The following SPEF2 variants were observed in gnomAD, a reference collection of about 807,000 sequenced individuals.
SPEF2 encodes the protein sperm flagellar and cilia associated 2, also known as sperm flagella and cilia-associated protein 2.
A neutral mutation model predicts 224.6 loss-of-function variants in SPEF2; 187 were observed. The observed-to-expected ratio is 0.83, with a 90% confidence interval of 0.74 to 0.94. The LOEUF (loss-of-function observed/expected upper bound fraction) is 0.94. SPEF2 is among the 40% of genes least tolerant of loss of function. The pLI is 0.00. For synonymous variants in SPEF2, 715 were observed against 707.3 expected (o/e 1.01, Z -0.17); for missense variants, 2,170 against 2,135.6 (o/e 1.02, Z -0.32).
At chr5:35,795,103 A>T (rs1312028114) in intron 32 of SPEF2, among the ~76,000 whole-genome samples, 2 of 152,162 alleles carry the variant, frequency 1.3e-5, no homozygotes, top group African/African-American at 4.8e-5. Flanking sequence ...GGACAGTAAA[A>T]TAGTATGCTT....
At chr5:35,743,144 A>C (rs1233242720) in intron 23 of SPEF2, among the ~76,000 whole-genome samples, 2 of 151,574 alleles carry the variant, frequency 1.3e-5, no homozygotes, top group Non-Finnish European at 2.9e-5. Context: ...TGGTGGACAC[A>C]CTCCCTTTTA....
At chr5:35,693,426 A>C (rs1754818349) in intron 12 of SPEF2, among the ~76,000 whole-genome samples, 2 of 152,066 alleles carry the variant, frequency 1.3e-5, no homozygotes, top group South Asian at 4.2e-4. Context: ...ATATTAGTAG[A>C]TCTCAATTGG....
intron 24 of SPEF2, among the ~76,000 whole-genome samples, chr5:35,756,640 T>A (rs1750488521): frequency 6.6e-6 from 1 of 152,270 alleles, no homozygotes; most frequent in Non-Finnish European, 1.5e-5. Context: ...CCATCAAGAA[T>A]CTGTGGTGTT....
At chr5:35,812,930 T>G (rs963119963) in intron 36 of SPEF2, among the ~76,000 whole-genome samples, 1 of 152,224 alleles carries the variant, frequency 6.6e-6, no homozygotes, top group Non-Finnish European at 1.5e-5. Context: ...GCTTCAGTGC[T>G]TTGTGTTTTC....
intron 32 of SPEF2, among the ~76,000 whole-genome samples, chr5:35,794,261 G>C (rs1756361669): frequency 6.6e-6 from 1 of 152,230 alleles, no homozygotes; most frequent in Admixed American, 6.5e-5. Flanking sequence ...ATTGCTGGTA[G>C]ACATGAAATA....
At chr5:35,732,747 T>A (rs1365644660) in intron 21 of SPEF2, among the ~76,000 whole-genome samples, 1 of 152,206 alleles carries the variant, frequency 6.6e-6, no homozygotes, top group African/African-American at 2.4e-5. Flanking sequence ...GGACACAGTC[T>A]ACTTGGAGAC....
intron 7 of SPEF2, among the ~76,000 whole-genome samples, chr5:35,658,289 C>T (rs1285616399): frequency 1.3e-5 from 2 of 152,112 alleles, no homozygotes; most frequent in Non-Finnish European, 2.9e-5. Flanking sequence ...TTCTATTCTC[C>T]TCAAACAGCC....
At chr5:35,638,369 C>G (rs115744675) in intron 2 of SPEF2, among the ~76,000 whole-genome samples, 5 of 151,992 alleles carry the variant, frequency 3.3e-5, no homozygotes, top group African/African-American at 1.2e-4. Flanking sequence ...CGGTGTGACC[C>G]TCATTTACCT....
chr5:35,734,057 G>A (rs1284505867), intron 21 of SPEF2, among the ~76,000 whole-genome samples: 2 of 152,188 alleles, frequency 1.3e-5, no homozygotes, highest in African/African-American at 2.4e-5. Context: ...CAAGGATATT[G>A]AAAGGAATCA....
intron 20 of SPEF2, among the ~76,000 whole-genome samples, chr5:35,721,202 C>T (rs73084394): frequency 0.018 from 2,767 of 152,280 alleles, 93 homozygotes; most frequent in African/African-American, 0.063. Context: ...CTTCTTTGAA[C>T]CTTCAGCTTT....
intron 33 of SPEF2, among the ~76,000 whole-genome samples, chr5:35,796,001 G>A (rs886348141): frequency 5.9e-5 from 9 of 152,238 alleles, no homozygotes; most frequent in Non-Finnish European, 1.2e-4. Context: ...GAATCTCAGA[G>A]CCTTACTGTT....
rs369080015 is a variant in SPEF2 at position 35,792,388 on chromosome 5, C to A, written c.4496C>A (p.Thr1499Asn). 4 of 1,613,790 alleles carry A rather than the reference C, an allele frequency of 2.5e-6. No homozygotes were observed. The part of the protein sequence containing the change: ...AFTDILIDLV[T>N]LNLGTNNFPS... The stretch of plus-strand genomic sequence containing the variant: ...ACTGACATTCTGATCGATTTGGTGA[C>A]CCTGAACCTTGGCACAAACAACTTT... Residue 1499 changes from threonine (T) to asparagine (N), a missense_variant, in exon 31 of 37, where the codon ACC becomes AAC. Coordinates refer to ENST00000356031, the MANE Select transcript of SPEF2 (RefSeq NM_024867.4).
chr5:35,715,545 G>C (rs965783601), intron 20 of SPEF2, among the ~76,000 whole-genome samples: 3 of 151,976 alleles, frequency 2.0e-5, no homozygotes, highest in Non-Finnish European at 4.4e-5. Context: ...AGAATCAAGG[G>C]ACAGGAAAAT....
intron 4 of SPEF2, 75 bp from the exon 5 acceptor site, chr5:35,646,592 T>G: frequency 3.6e-6 from 5 of 1,404,878 alleles, no homozygotes; most frequent in Non-Finnish European, 4.8e-6. Flanking sequence ...ATTTTATATA[T>G]TTGTACCTAT....
chr5:35,790,321 C>A, intron 30 of SPEF2: 1 of 589,240 alleles, frequency 1.7e-6, no homozygotes, highest in Non-Finnish European at 3.0e-6. Context: ...ACTGGTGACA[C>A]AAGATCTAAT....
chr5:35,723,253 G>A (rs1744086684), intron 20 of SPEF2, among the ~76,000 whole-genome samples: 1 of 152,130 alleles, frequency 6.6e-6, no homozygotes, highest in South Asian at 2.1e-4. Context: ...AAAGTGAAAG[G>A]AAATTGAAAT....
chr5:35,785,866 T>C (rs952923849), intron 30 of SPEF2, among the ~76,000 whole-genome samples: 1 of 152,102 alleles, frequency 6.6e-6, no homozygotes, highest in African/African-American at 2.4e-5. Flanking sequence ...CAATGTGTCA[T>C]GCAATTTCAA....
rs993937571 is a variant in SPEF2, at chr5:35,666,998, G to A, written c.1168-74G>A. 3.4e-5 allele frequency: 47 copies of A among 1,362,936 alleles called. 1 individual carries two copies. The highest frequency in any genetic ancestry group is 1.0e-4 in the East Asian group (4 of 39,288). 84.4% of individuals were successfully genotyped at this position (1,362,936 alleles called of 1,614,324 possible). A position where few individuals can be genotyped will look rare whatever the true frequency, so the allele number is the denominator to read the frequency against. ...GTTTCATTCTACTGAAAGACTTTTT[G>A]GCCATTGAAATGATGACATTATTTT... On this transcript the variant is annotated intron_variant, in intron 8 of 36. Coordinates refer to ENST00000356031, the MANE Select transcript of SPEF2 (RefSeq NM_024867.4).
At chr5:35,786,385 C>A (rs1041213438) in intron 30 of SPEF2, among the ~76,000 whole-genome samples, 4 of 152,172 alleles carry the variant, frequency 2.6e-5, no homozygotes, top group Non-Finnish European at 5.9e-5. Context: ...AGAGGCTGGG[C>A]GTGGTGGCTC....
Sources: gnomAD v4.1 joint callset for allele counts (sites outside exome capture counted in the v4.1 genomes callset) on GRCh38, gnomAD v4.1.1 for gene constraint, MANE v1.5 for transcripts, NCBI Gene and HGNC (gene_info 2026-07-23, HGNC 2026-07-21) for gene names.